The following WDR7 variants were observed in gnomAD, a reference collection of about 807,000 sequenced individuals.
The protein encoded by WDR7 is WD repeat-containing protein 7.
A neutral mutation model predicts 169.4 loss-of-function variants in WDR7; 46 were observed. The observed-to-expected ratio is 0.27, with a 90% CI of 0.21 to 0.35. WDR7 has a LOEUF of 0.35. Ranked by LOEUF, WDR7 falls within the 10% of genes least tolerant of loss-of-function variation. The probability of loss-of-function intolerance (pLI) is 1.00; values close to 1 mark genes in which losing one functional copy is unlikely to be tolerated. For missense variants in WDR7, 1,534 were observed against 1,859.3 expected (o/e 0.83, Z 3.22); for synonymous variants, 612 against 666.8 (o/e 0.92, Z 1.27).
chr18:56,765,256 A>G (rs898060305), intron 16 of WDR7, among the ~76,000 whole-genome samples: 1 of 152,014 alleles, frequency 6.6e-6, no homozygotes, highest in Non-Finnish European at 1.5e-5. Context: ...TGATATGGTT[A>G]GGTTTGAATC....
intron 26 of WDR7, among the ~76,000 whole-genome samples, chr18:57,014,280 C>T (rs1316090891): frequency 9.5e-5 from 14 of 147,404 alleles, no homozygotes; most frequent in Admixed American, 4.1e-4. Context: ...GAGCCGAGAT[C>T]GTGCCATTGC....
At chr18:56,844,627 C>A (rs2045541004) in intron 20 of WDR7, among the ~76,000 whole-genome samples, 1 of 152,220 alleles carries the variant, frequency 6.6e-6, no homozygotes, top group Non-Finnish European at 1.5e-5. Flanking sequence ...AGAGCTACCG[C>A]TCTGCAGCCA....
At chr18:56,781,790 A>G in intron 19 of WDR7, 134 bp downstream of exon 19, 2 of 1,010,604 alleles carry the variant, frequency 2.0e-6, no homozygotes, top group Non-Finnish European at 2.6e-6. Flanking sequence ...ACAGATCCTC[A>G]AATTCACTTT....
In WDR7 at chr18:56,666,338, G is replaced by A. The variant is rs140043135; in HGVS notation, c.-19-6159G>A. 1.2e-3 allele frequency among the ~76,000 whole-genome samples: 181 copies of A among 151,368 alleles called. No individual in the cohort carries two copies. The Middle Eastern group carries it at 0.014, about 11-fold the overall frequency. ...CCTGCCTTAGCCTTTCTAGTAGCTG[G>A]GATTACAGGCATGCGCCACCATGCC... On this transcript the variant is annotated intron_variant, in intron 1 of 27. Transcript: ENST00000254442.
chr18:56,796,003 CATT>C (rs2044579026), intron 19 of WDR7, among the ~76,000 whole-genome samples: 1 of 152,126 alleles, frequency 6.6e-6, no homozygotes. Context: ...AACACGATGA[CATT>C]ATAATGAGTT....
chr18:56,678,168 T>G (rs1372906166), intron 2 of WDR7, among the ~76,000 whole-genome samples: 1 of 152,204 alleles, frequency 6.6e-6, no homozygotes, highest in Non-Finnish European at 1.5e-5. Flanking sequence ...TCTTTCTCTG[T>G]GTTATCTTGA....
rs17090391 is a variant in WDR7, at chr18:56,861,034, G to C, written c.3305-18910G>C. ...CTGTTTTGCTTTCTATTTCACAAAT[G>C]TTTTACATTAAAAAATCTGCTTTAA... On this transcript the variant is annotated intron_variant, in intron 20 of 27. Transcript: ENST00000254442. Among the ~76,000 whole-genome samples the C allele has an allele frequency of 2.4e-3, 362 of 152,048 alleles. 2 individuals are homozygous for C. The highest frequency in any genetic ancestry group is 8.5e-3 in the African/African-American group (353 of 41,492).
At chr18:56,746,893 G>A (rs1241113658) in intron 14 of WDR7, among the ~76,000 whole-genome samples, 2 of 151,940 alleles carry the variant, frequency 1.3e-5, no homozygotes, top group Admixed American at 6.6e-5. Context: ...CTTCCAAGTC[G>A]TCACTAGCAA....
chr18:56,822,260 T>C (rs2045112658), intron 20 of WDR7, among the ~76,000 whole-genome samples: 1 of 152,236 alleles, frequency 6.6e-6, no homozygotes, highest in Admixed American at 6.5e-5. Flanking sequence ...ACTGTCAGTT[T>C]ATTACATACG....
At chr18:56,837,988 C>T (rs1023795850) in intron 20 of WDR7, among the ~76,000 whole-genome samples, 1 of 152,104 alleles carries the variant, frequency 6.6e-6, no homozygotes, top group Non-Finnish European at 1.5e-5. Context: ...GGGTACATAT[C>T]AGTATAAAAT....
chr18:56,938,792 TGA>T, intron 24 of WDR7, 110 bp downstream of exon 24: 1 of 1,164,724 alleles, frequency 8.6e-7, no homozygotes, highest in Non-Finnish European at 1.2e-6. Flanking sequence ...AGATGAAGGG[TGA>T]GAGAGAAAGA....
intron 7 of WDR7, among the ~76,000 whole-genome samples, chr18:56,690,544 G>A (rs1598964175): frequency 1.3e-5 from 2 of 152,298 alleles, no homozygotes; most frequent in Admixed American, 1.3e-4. Context: ...GCCAGGCAAG[G>A]TGGCTCATGC....
chr18:56,815,174 T>C (rs1237933879), intron 19 of WDR7, among the ~76,000 whole-genome samples: 1 of 152,214 alleles, frequency 6.6e-6, no homozygotes, highest in South Asian at 2.1e-4. Context: ...TAGGCAGTTA[T>C]TGATATCCTT....
intron 21 of WDR7, among the ~76,000 whole-genome samples, chr18:56,904,423 T>C (rs188133079): frequency 3.9e-5 from 6 of 152,272 alleles, no homozygotes; most frequent in Admixed American, 2.6e-4. Context: ...ATTAGTATAG[T>C]TTTTAATTAG....
chr18:56,810,415 G>C (rs2044848557), intron 19 of WDR7, among the ~76,000 whole-genome samples: 1 of 151,974 alleles, frequency 6.6e-6, no homozygotes, highest in African/African-American at 2.4e-5. Context: ...AGAATATTTT[G>C]CTGATCTTTA....
At chr18:56,774,484 C>A (rs574600252) in intron 16 of WDR7, among the ~76,000 whole-genome samples, 100 of 152,064 alleles carry the variant, frequency 6.6e-4, no homozygotes, top group Non-Finnish European at 1.3e-3. Flanking sequence ...TTTTCCCAAT[C>A]CTTAATAAGA....
chr18:56,852,006 C>T (rs1599100737), intron 20 of WDR7, among the ~76,000 whole-genome samples: 1 of 152,102 alleles, frequency 6.6e-6, no homozygotes, highest in East Asian at 1.9e-4. Flanking sequence ...AGAAAATGAC[C>T]CTCTGGCTTC....
At chr18:56,800,703 C>G (rs888179971) in intron 19 of WDR7, among the ~76,000 whole-genome samples, 4 of 152,176 alleles carry the variant, frequency 2.6e-5, no homozygotes, top group African/African-American at 9.6e-5. Context: ...CTCAGATTAT[C>G]CTGGCATTGG....
At chr18:56,665,812 G>T (rs915345487) in intron 1 of WDR7, among the ~76,000 whole-genome samples, 2 of 152,122 alleles carry the variant, frequency 1.3e-5, no homozygotes, top group Non-Finnish European at 2.9e-5. Flanking sequence ...AGGCTTATTA[G>T]GGAGTGCTCT....
Sources: allele counts gnomAD v4.1 joint callset (sites outside exome capture counted in the v4.1 genomes callset), GRCh38; gene constraint gnomAD v4.1.1; transcripts MANE v1.5; gene names NCBI Gene and HGNC (gene_info 2026-07-23, HGNC 2026-07-21).